The following PCDH9 variants were observed in gnomAD, a reference collection of about 807,000 sequenced individuals.
PCDH9 encodes protocadherin-9.
Under a neutral mutation model 70.6 loss-of-function variants are expected in PCDH9, and 24 were observed. The ratio of observed to expected loss-of-function variants is 0.34; its 90% CI spans 0.25 to 0.48. PCDH9 has a LOEUF of 0.48. Among genes scored for constraint, PCDH9 ranks in the 20% least tolerant of loss-of-function variants. The probability of loss-of-function intolerance (pLI) is 0.99; values close to 1 mark genes in which losing one functional copy is unlikely to be tolerated. For synonymous variants in PCDH9, 562 were observed against 558.5 expected, an observed-to-expected ratio of 1.01 and a Z score of -0.09; for missense variants, 1,281 against 1,503.6, an observed-to-expected ratio of 0.85 and a Z score of 2.45.
intron 4 of PCDH9, among the ~76,000 whole-genome samples, chr13:66,456,489 G>C (rs1268550555): frequency 6.6e-6 from 1 of 151,936 alleles, no homozygotes; most frequent in Non-Finnish European, 1.5e-5. Context: ...TCAAACTTCT[G>C]GCCTCAAGCA....
chr13:66,599,508 C>CATCA (rs2077140275), intron 4 of PCDH9, among the ~76,000 whole-genome samples: 1 of 151,628 alleles, frequency 6.6e-6, no homozygotes, highest in African/African-American at 2.4e-5. Context: ...TTACATTATA[C>CATCA]ATCAATTAAC....
intron 3 of PCDH9, among the ~76,000 whole-genome samples, chr13:66,884,401 T>C (rs2081972909): frequency 6.6e-6 from 1 of 152,194 alleles, no homozygotes; most frequent in Non-Finnish European, 1.5e-5. Flanking sequence ...ATTCTTAATT[T>C]GTGTGAGTGT....
Position 66,536,803 on chromosome 13 carries a change from A to G in PCDH9, c.3340+94407T>C, listed in dbSNP as rs147338550. On this transcript the variant is annotated intron_variant, in intron 4 of 4. Coordinates refer to ENST00000377865, the MANE Select transcript of PCDH9 (RefSeq NM_203487.3). ...AATAGGTACCCAAATAGTTATAAGTACAAGTTGAAATGAGTGGGCGTTTAA... is the reference window on the plus strand; with the variant it reads ...AATAGGTACCCAAATAGTTATAAGTGCAAGTTGAAATGAGTGGGCGTTTAA... Among the ~76,000 whole-genome samples the G allele has an allele frequency of 4.6e-3, 670 of 145,576 alleles. 27 individuals are homozygous for G. In the East Asian group the frequency reaches 0.09, roughly 20 times the overall value.
intron 4 of PCDH9, among the ~76,000 whole-genome samples, chr13:66,500,028 T>C (rs1452273108): frequency 2.6e-5 from 4 of 152,210 alleles, no homozygotes; most frequent in Non-Finnish European, 2.9e-5. Context: ...CTGAGCCAAA[T>C]AAATCTCTTT....
chr13:67,092,134 C>A (rs1232406555), intron 2 of PCDH9, among the ~76,000 whole-genome samples: 1 of 151,966 alleles, frequency 6.6e-6, no homozygotes, highest in Non-Finnish European at 1.5e-5. Flanking sequence ...TTGATCTTAC[C>A]TTTAAGGTGA....
At chr13:67,010,377 C>A (rs1230033007) in intron 2 of PCDH9, among the ~76,000 whole-genome samples, 2 of 151,904 alleles carry the variant, frequency 1.3e-5, no homozygotes, top group African/African-American at 4.8e-5. Flanking sequence ...GTGGGTGCCT[C>A]ACAGTGGGGA....
At chr13:67,173,348 A>C (rs1333256661) in intron 2 of PCDH9, among the ~76,000 whole-genome samples, 2 of 152,202 alleles carry the variant, frequency 1.3e-5, no homozygotes, top group Non-Finnish European at 2.9e-5. Flanking sequence ...CCTTCCTGTG[A>C]GAAGTATTAA....
At chr13:66,409,401 C>G (rs1035824202) in intron 4 of PCDH9, among the ~76,000 whole-genome samples, 1 of 152,128 alleles carries the variant, frequency 6.6e-6, no homozygotes, top group Non-Finnish European at 1.5e-5. Context: ...TTGTCCTCCC[C>G]CTTTTTTCCC....
intron 2 of PCDH9, chr13:67,211,442 G>C (rs2089465844): frequency 6.6e-6 from 1 of 151,906 alleles, no homozygotes; most frequent in Non-Finnish European, 1.5e-5. Flanking sequence ...GTGCAGGTGA[G>C]GCATTATATG....
At chr13:66,871,551 C>G (rs2081686900) in intron 3 of PCDH9, among the ~76,000 whole-genome samples, 1 of 151,886 alleles carries the variant, frequency 6.6e-6, no homozygotes, top group East Asian at 1.9e-4. Context: ...TAGTTAGTCC[C>G]TCTGTTACTT....
chr13:66,775,706 A>G (rs1225510005), intron 3 of PCDH9, among the ~76,000 whole-genome samples: 3 of 152,202 alleles, frequency 2.0e-5, no homozygotes, highest in Non-Finnish European at 2.9e-5. Flanking sequence ...TAACGTACAC[A>G]ATATGTGTTA....
At chr13:67,010,827 A>G (rs926892603) in intron 2 of PCDH9, among the ~76,000 whole-genome samples, 1 of 152,010 alleles carries the variant, frequency 6.6e-6, no homozygotes, top group African/African-American at 2.4e-5. Context: ...GGTAGAAACT[A>G]GTGGGTAAAG....
intron 3 of PCDH9, among the ~76,000 whole-genome samples, chr13:66,632,436 T>C (rs1198202117): frequency 6.6e-6 from 1 of 152,230 alleles, no homozygotes; most frequent in Non-Finnish European, 1.5e-5. Context: ...GCTATCACTC[T>C]AATCTTTGGC....
chr13:66,755,223 A>G (rs1049619960), intron 3 of PCDH9, among the ~76,000 whole-genome samples: 1 of 151,556 alleles, frequency 6.6e-6, no homozygotes, highest in Non-Finnish European at 1.5e-5. Flanking sequence ...TGATCCTCAC[A>G]ATATTCTTAT....
intron 2 of PCDH9, among the ~76,000 whole-genome samples, chr13:67,131,566 T>C (rs534246090): frequency 1.8e-4 from 28 of 152,264 alleles, no homozygotes; most frequent in Middle Eastern, 6.8e-3. Flanking sequence ...TTAAACCAGG[T>C]TTAAAAATAG....
At chr13:67,190,674 T>C (rs1436254139) in intron 2 of PCDH9, among the ~76,000 whole-genome samples, 1 of 152,034 alleles carries the variant, frequency 6.6e-6, no homozygotes, top group Non-Finnish European at 1.5e-5. Context: ...CCAAATACAC[T>C]AATAATATAG....
At chr13:66,705,005 T>C (rs1285762699) in intron 3 of PCDH9, among the ~76,000 whole-genome samples, 2 of 152,172 alleles carry the variant, frequency 1.3e-5, no homozygotes, top group East Asian at 1.9e-4. Flanking sequence ...TGCAAATTTT[T>C]ATTTTTTTGA....
chr13:66,579,125 G>A (rs898627176), intron 4 of PCDH9, among the ~76,000 whole-genome samples: 1 of 152,034 alleles, frequency 6.6e-6, no homozygotes, highest in Non-Finnish European at 1.5e-5. Context: ...CTATTCTACA[G>A]GTACGTGGTT....
At chr13:66,497,883 A>G (rs1375070294) in intron 4 of PCDH9, among the ~76,000 whole-genome samples, 1 of 130,046 alleles carries the variant, frequency 7.7e-6, no homozygotes, top group Non-Finnish European at 1.5e-5. Flanking sequence ...TAGTGGTGTG[A>G]TCTTGGCTGA....
Sources: gnomAD v4.1 joint callset for allele counts (sites outside exome capture counted in the v4.1 genomes callset) on GRCh38, gnomAD v4.1.1 for gene constraint, MANE v1.5 for transcripts, NCBI Gene and HGNC (gene_info 2026-07-23, HGNC 2026-07-21) for gene names.